The following CFAP77 variants were observed in gnomAD, a reference collection of about 807,000 sequenced individuals.
CFAP77 encodes the protein cilia- and flagella-associated protein 77.
Under a neutral mutation model 31.1 loss-of-function variants are expected in CFAP77, and 25 were observed. The ratio of observed to expected loss-of-function variants is 0.80; its 90% CI spans 0.59 to 1.12. The LOEUF (loss-of-function observed/expected upper bound fraction) is 1.12. Among genes scored for constraint, CFAP77 ranks in the 50% most tolerant of loss-of-function variants. The probability of loss-of-function intolerance (pLI) is 0.00; values close to 1 mark genes in which losing one functional copy is unlikely to be tolerated. For synonymous variants in CFAP77, 151 were observed against 159.9 expected (o/e 0.94, Z 0.42); for missense variants, 377 against 397.3 (o/e 0.95, Z 0.44).
intron 3 of CFAP77, among the ~76,000 whole-genome samples, chr9:132,521,886 C>T (rs1259951460): frequency 6.6e-6 from 1 of 151,388 alleles, no homozygotes; most frequent in African/African-American, 2.4e-5. Context: ...CCTGCCTCAG[C>T]CTCCCAAGTA....
At chr9:132,502,465 G>A (rs548304704) in intron 3 of CFAP77, among the ~76,000 whole-genome samples, 2 of 151,830 alleles carry the variant, frequency 1.3e-5, no homozygotes, top group Non-Finnish European at 2.9e-5. Context: ...ATCCCAAACC[G>A]AAACTCTTTC....
chr9:132,503,281 G>T (rs1036786722), intron 3 of CFAP77, among the ~76,000 whole-genome samples: 4 of 152,170 alleles, frequency 2.6e-5, no homozygotes, highest in Admixed American at 6.5e-5. Flanking sequence ...GCCCTCCCTT[G>T]CCCTGTTCTC....
At chr9:132,518,915 C>T (rs937855684) in intron 3 of CFAP77, among the ~76,000 whole-genome samples, 4 of 152,218 alleles carry the variant, frequency 2.6e-5, no homozygotes, top group Non-Finnish European at 5.9e-5. Flanking sequence ...GCTTACGATT[C>T]GAATGACTAC....
chr9:132,471,475 C>A (rs1052786056), intron 1 of CFAP77, among the ~76,000 whole-genome samples: 2 of 151,848 alleles, frequency 1.3e-5, no homozygotes, highest in African/African-American at 4.8e-5. Context: ...ACACACACAT[C>A]AAGTGAATGG....
chr9:132,437,022 C>T (rs1398003664), intron 1 of CFAP77, among the ~76,000 whole-genome samples: 4 of 152,130 alleles, frequency 2.6e-5, no homozygotes, highest in African/African-American at 9.7e-5. Flanking sequence ...GTAGAGCTTG[C>T]CTCTGTGGGG....
chr9:132,556,217 G>A (rs1171238255), intron 5 of CFAP77, among the ~76,000 whole-genome samples: 4 of 152,112 alleles, frequency 2.6e-5, no homozygotes, highest in Non-Finnish European at 4.4e-5. Context: ...CAGGGCCTCC[G>A]TCGACACAGT....
intron 3 of CFAP77, among the ~76,000 whole-genome samples, chr9:132,526,047 G>A (rs1205828630): frequency 2.0e-5 from 3 of 151,972 alleles, no homozygotes; most frequent in East Asian, 1.9e-4. Flanking sequence ...AGCTAAAGCC[G>A]CTATGTATTC....
At chr9:132,458,731 G>A (rs990452122) in intron 1 of CFAP77, among the ~76,000 whole-genome samples, 29 of 151,826 alleles carry the variant, frequency 1.9e-4, no homozygotes, top group East Asian at 3.9e-4. Flanking sequence ...GGCAGGTGTC[G>A]TGTTAGGCGG....
chr9:132,559,690 G>A (rs778666664), intron 5 of CFAP77, among the ~76,000 whole-genome samples: 5 of 152,142 alleles, frequency 3.3e-5, no homozygotes, highest in African/African-American at 7.2e-5. Context: ...ATACACCCAA[G>A]AGAAATGAAA....
chr9:132,445,361 T>C (rs1404915343), intron 1 of CFAP77, among the ~76,000 whole-genome samples: 2 of 152,246 alleles, frequency 1.3e-5, no homozygotes, highest in South Asian at 2.1e-4. Context: ...TTTTTGTGTC[T>C]GGCCTATTTC....
At chr9:132,506,810 C>T (rs2118983203) in intron 3 of CFAP77, among the ~76,000 whole-genome samples, 1 of 152,218 alleles carries the variant, frequency 6.6e-6, no homozygotes, top group Middle Eastern at 3.4e-3. Flanking sequence ...GCTTCTATCC[C>T]CGTTTTACAG....
rs1360900483 is a variant in CFAP77 at position 132,545,341 on chromosome 9, G to A, written c.732+2294G>A. On this transcript the variant is annotated intron_variant, in intron 5 of 5. Transcript: ENST00000393216. The surrounding 1 kb of genome is among the most constrained non-coding windows in gnomAD (Gnocchi z 4.6). ...GGTGCAGATGAAAGGCAGAGGGGGA[G>A]CACCTTCCTTGCCCAGAGAGTGGCG... 6.6e-6 allele frequency among the ~76,000 whole-genome samples: 1 copy of A among 152,210 alleles called. No homozygotes were observed. The highest frequency in any genetic ancestry group is 1.5e-5 in the Non-Finnish European group (1 of 68,042).
In CFAP77 at chr9:132,524,947, C is replaced by T. The variant is rs758297660; in HGVS notation, c.525-12654C>T. ...ACAGGCGTGAGCCACTGTACCCGGC[C>T]GACACACCCCATATTTATTTTTACC... is the stretch of plus-strand genomic sequence containing the variant. On this transcript the variant is annotated intron_variant, in intron 3 of 5. Coordinates refer to ENST00000393216, the MANE Select transcript of CFAP77 (RefSeq NM_001282957.2). Among the ~76,000 whole-genome samples, 26 of 149,148 alleles carry T rather than the reference C, an allele frequency of 1.7e-4. 1 individual carries two copies. The highest frequency in any genetic ancestry group is 3.0e-4 in the Non-Finnish European group (20 of 66,880).
chr9:132,459,132 C>T (rs985840979), intron 1 of CFAP77, among the ~76,000 whole-genome samples: 6 of 148,410 alleles, frequency 4.0e-5, no homozygotes, highest in African/African-American at 5.0e-5. Flanking sequence ...AGTGCAGTGG[C>T]GTTATCTTGG....
intron 1 of CFAP77, among the ~76,000 whole-genome samples, chr9:132,467,285 A>G (rs925987375): frequency 6.6e-6 from 1 of 152,138 alleles, no homozygotes; most frequent in Non-Finnish European, 1.5e-5. Context: ...TGTGTAATGG[A>G]TCTCTAAAAC....
chr9:132,418,184 A>AG (rs1015859011), intron 1 of CFAP77, among the ~76,000 whole-genome samples: 1 of 152,204 alleles, frequency 6.6e-6, no homozygotes, highest in African/African-American at 2.4e-5. Flanking sequence ...TTCTTAATTG[A>AG]GGGGGGCAGT....
chr9:132,532,915 T>C (rs901678902), intron 3 of CFAP77, among the ~76,000 whole-genome samples: 2 of 152,180 alleles, frequency 1.3e-5, no homozygotes, highest in African/African-American at 4.8e-5. Flanking sequence ...TAGCCAGATA[T>C]GGTGGCGCAC....
chr9:132,472,802 G>A lies in CFAP77; in HGVS notation c.196-25893G>A, dbSNP rs190143483. Among the ~76,000 whole-genome samples, 138 of 152,156 alleles carry A rather than the reference G, an allele frequency of 9.1e-4. 1 individual carries two copies. The highest frequency in any genetic ancestry group is 3.1e-3 in the African/African-American group (127 of 41,504). On this transcript the variant is annotated intron_variant, in intron 1 of 5. Coordinates refer to ENST00000393216, the MANE Select transcript of CFAP77 (RefSeq NM_001282957.2). ...ACAAACAAACAAAAAACAATGGCTCGGATTAACTCAGTGTTTGCTGTGTGC... is the reference window on the plus strand; with the variant it reads ...ACAAACAAACAAAAAACAATGGCTCAGATTAACTCAGTGTTTGCTGTGTGC...
intron 1 of CFAP77, among the ~76,000 whole-genome samples, chr9:132,457,180 G>A (rs945026502): frequency 5.3e-5 from 8 of 151,972 alleles, no homozygotes; most frequent in African/African-American, 1.5e-4. Flanking sequence ...CAAGGTTTGC[G>A]TATTCTCTGG....
Sources: gnomAD v4.1 joint callset for allele counts (sites outside exome capture counted in the v4.1 genomes callset) on GRCh38, gnomAD v4.1.1 for gene constraint, Gnocchi (gnomAD v3.1) non-coding constraint, MANE v1.5 for transcripts, NCBI Gene and HGNC (gene_info 2026-07-23, HGNC 2026-07-21) for gene names.